The following CELF2 variants were observed in gnomAD, a reference collection of about 807,000 sequenced individuals.
CELF2 encodes the protein CUGBP Elav-like family member 2.
Under a neutral mutation model 62.6 loss-of-function variants are expected in CELF2, and 8 were observed. That is an observed-to-expected ratio of 0.13 (90% CI 0.07 to 0.23). The LOEUF is 0.23. Ranked by LOEUF, CELF2 falls within the 10% of genes least tolerant of loss-of-function variation. The pLI, the probability that CELF2 is intolerant of heterozygous loss-of-function variation, is 1.00. For missense variants in CELF2, 333 were observed against 671.0 expected, an observed-to-expected ratio of 0.50 and a Z score of 5.56; for synonymous variants, 258 against 250.0, an observed-to-expected ratio of 1.03 and a Z score of -0.30.
chr10:10,750,954 C>G, the CELF2 span, among the ~76,000 whole-genome samples: 1 of 152,194 alleles, frequency 6.6e-6, no homozygotes, highest in Non-Finnish European at 1.5e-5. Flanking sequence ...ATCCAAATCC[C>G]TTTGTTAAAG....
chr10:11,099,885 A>AACAAC (rs1491315967), intron 1 of CELF2, among the ~76,000 whole-genome samples: 1 of 83,516 alleles, frequency 1.2e-5, no homozygotes, highest in Non-Finnish European at 2.4e-5. Context: ...CAACAACAAC[A>AACAAC]AAAAAAAAAA....
chr10:10,960,869 G>A (rs936491117), intron 2 of CELF2, among the ~76,000 whole-genome samples: 9 of 152,162 alleles, frequency 5.9e-5, no homozygotes, highest in African/African-American at 2.2e-4. Flanking sequence ...CAACACAATA[G>A]GCACATTTAG....
intron 2 of CELF2, among the ~76,000 whole-genome samples, chr10:11,203,417 G>A (rs2059724760): frequency 6.6e-6 from 1 of 152,134 alleles, no homozygotes; most frequent in South Asian, 2.1e-4. Context: ...CATTTTTTTA[G>A]TATCCATAAT....
At chr10:10,635,404 T>C in the CELF2 span, among the ~76,000 whole-genome samples, 1 of 152,162 alleles carries the variant, frequency 6.6e-6, no homozygotes, top group South Asian at 2.1e-4. Context: ...CATGTACCAG[T>C]TTATCAATTA....
intron 1 of CELF2, among the ~76,000 whole-genome samples, chr10:10,868,334 G>C (rs2060512821): frequency 6.6e-6 from 1 of 152,204 alleles, no homozygotes; most frequent in African/African-American, 2.4e-5. Flanking sequence ...CTGGCTGGGA[G>C]CTCAGCTGCT....
chr10:10,865,899 C>A (rs1236895624), intron 1 of CELF2, among the ~76,000 whole-genome samples: 3 of 151,858 alleles, frequency 2.0e-5, no homozygotes, highest in Admixed American at 6.6e-5. Context: ...CATCACTGGG[C>A]AAATTGGAGA....
chr10:10,882,335 A>G (rs1025441882), intron 1 of CELF2, among the ~76,000 whole-genome samples: 2 of 152,214 alleles, frequency 1.3e-5, no homozygotes, highest in Non-Finnish European at 2.9e-5. Context: ...CTCTGGCTGA[A>G]ATTGCCATCC....
At chr10:11,092,206 G>C (rs2048506104) in intron 1 of CELF2, 1 of 152,212 alleles carries the variant, frequency 6.6e-6, no homozygotes, top group Non-Finnish European at 1.5e-5. Context: ...TTATTCATAG[G>C]TGTTACTTAT....
intron 1 of CELF2, among the ~76,000 whole-genome samples, chr10:10,821,124 G>A (rs757159574): frequency 3.3e-5 from 5 of 152,230 alleles, no homozygotes; most frequent in Non-Finnish European, 7.3e-5. Flanking sequence ...TTCTGGTATG[G>A]GTGGGGGTAT....
At chr10:10,588,126 G>A in the CELF2 span, among the ~76,000 whole-genome samples, 1 of 151,984 alleles carries the variant, frequency 6.6e-6, no homozygotes, top group Admixed American at 6.5e-5. Flanking sequence ...GAGCCAGCAG[G>A]CCTAAAATTG....
chr10:11,014,880 G>A (rs80163512), upstream of CELF2, among the ~76,000 whole-genome samples: 3,113 of 152,234 alleles, frequency 0.02, 100 homozygotes, highest in African/African-American at 0.071. Context: ...AGGGGGATGG[G>A]GCTAAGAAGA....
At chr10:10,493,582 A>G in the CELF2 span, among the ~76,000 whole-genome samples, 2 of 148,862 alleles carry the variant, frequency 1.3e-5, no homozygotes, top group Non-Finnish European at 3.0e-5. Context: ...CCCAGGCTGG[A>G]GTGCAGTGGC....
chr10:10,470,284 T>A, the CELF2 span, among the ~76,000 whole-genome samples: 11 of 151,942 alleles, frequency 7.2e-5, no homozygotes, highest in South Asian at 4.1e-4. Context: ...CCCTTTTTTT[T>A]AAAATGAGTT....
chr10:11,288,018 C>G (rs1424397336), intron 8 of CELF2, among the ~76,000 whole-genome samples: 1 of 152,252 alleles, frequency 6.6e-6, no homozygotes, highest in African/African-American at 2.4e-5. Flanking sequence ...GCAGCTATGT[C>G]ATAGAAGCTG....
the CELF2 span, among the ~76,000 whole-genome samples, chr10:10,604,299 T>C: frequency 6.6e-6 from 1 of 152,224 alleles, no homozygotes; most frequent in Non-Finnish European, 1.5e-5. Context: ...GTTGCTGTGG[T>C]TCACTGGGAA....
intron 1 of CELF2, among the ~76,000 whole-genome samples, chr10:11,123,075 G>T (rs1370570405): frequency 6.6e-6 from 1 of 150,668 alleles, no homozygotes; most frequent in Non-Finnish European, 1.5e-5. Flanking sequence ...TAGTTTTCCA[G>T]TTCCTCCCGG....
At chr10:11,001,927 T>A (rs1224770226), upstream of CELF2, among the ~76,000 whole-genome samples, 1 of 152,204 alleles carries the variant, frequency 6.6e-6, no homozygotes, top group Non-Finnish European at 1.5e-5. Context: ...CAACTCGACC[T>A]TCATTTGGAA....
chr10:11,197,044 A>ATAAG (rs2057977516), intron 2 of CELF2, among the ~76,000 whole-genome samples: 1 of 57,204 alleles, frequency 1.7e-5, no homozygotes, highest in Non-Finnish European at 3.6e-5. Flanking sequence ...AAAGAAAGAA[A>ATAAG]GAAAGAAAGA....
At chr10:10,967,461 G>T (rs565972331) in intron 2 of CELF2, among the ~76,000 whole-genome samples, 1 of 152,120 alleles carries the variant, frequency 6.6e-6, no homozygotes, top group East Asian at 1.9e-4. Context: ...TGAGAAGTAG[G>T]CATCGAGAGG....
Sources: gnomAD v4.1 joint callset for allele counts (sites outside exome capture counted in the v4.1 genomes callset) on GRCh38, gnomAD v4.1.1 for gene constraint, MANE v1.5 for transcripts, NCBI Gene and HGNC (gene_info 2026-07-23, HGNC 2026-07-21) for gene names.